CENPP: variants seen among roughly 807,000 people sequenced by gnomAD.
The protein encoded by CENPP is centromere protein P.
A neutral mutation model predicts 35.6 loss-of-function variants in CENPP; 24 were observed. The observed-to-expected ratio is 0.67, with a 90% CI of 0.49 to 0.95. The LOEUF (loss-of-function observed/expected upper bound fraction) is 0.95. Among genes scored for constraint, CENPP ranks in the 40% least tolerant of loss-of-function variants. The pLI, the probability that CENPP is intolerant of heterozygous loss-of-function variation, is 0.00. For missense variants in CENPP, 332 were observed against 345.3 expected (o/e 0.96, Z 0.31); for synonymous variants, 120 against 125.5 (o/e 0.96, Z 0.29).
chr9:92,575,887 C>G (rs774664829), intron 5 of CENPP, among the ~76,000 whole-genome samples: 1 of 151,904 alleles, frequency 6.6e-6, no homozygotes, highest in African/African-American at 2.4e-5. Flanking sequence ...AAATTAGAAC[C>G]GTTGCGCGCT....
chr9:92,417,053 A>G, intron 5 of CENPP: 3 of 1,614,038 alleles, frequency 1.9e-6, no homozygotes, highest in Non-Finnish European at 2.5e-6. Flanking sequence ...ATTGTAACCA[A>G]GAAGGAGTCT....
chr9:92,453,889 AC>A (rs1844793047), intron 5 of CENPP, among the ~76,000 whole-genome samples: 1 of 152,156 alleles, frequency 6.6e-6, no homozygotes, highest in African/African-American at 2.4e-5. Flanking sequence ...GGAGTCTGAG[AC>A]AGGAAGATCA....
At chr9:92,372,356 T>C (rs938978481) in intron 4 of CENPP, among the ~76,000 whole-genome samples, 1 of 152,088 alleles carries the variant, frequency 6.6e-6, no homozygotes, top group Non-Finnish European at 1.5e-5. Context: ...CTGTTTATGT[T>C]CCAGTTTATT....
intron 5 of CENPP, among the ~76,000 whole-genome samples, chr9:92,490,538 A>G (rs576582359): frequency 5.3e-5 from 8 of 152,310 alleles, no homozygotes; most frequent in African/African-American, 1.9e-4. Context: ...CTTTTTCTAA[A>G]TAAGGGAAAG....
At chr9:92,495,660 A>G in intron 5 of CENPP, 10 of 896,928 alleles carry the variant, frequency 1.1e-5, no homozygotes, top group Non-Finnish European at 1.3e-5. Flanking sequence ...TATAGAATTT[A>G]TGCACACCCT....
At chr9:92,533,328 A>AAAAAAAATATATATATATATAT (rs1554683138) in intron 5 of CENPP, among the ~76,000 whole-genome samples, 1 of 38,336 alleles carries the variant, frequency 2.6e-5, no homozygotes, top group Non-Finnish European at 4.3e-5. Context: ...AAAAAAAAAA[A>AAAAAAAATATATATATATATAT]ATATATATAT....
intron 5 of CENPP, among the ~76,000 whole-genome samples, chr9:92,443,070 C>T (rs1844462225): frequency 6.6e-6 from 1 of 151,512 alleles, no homozygotes; most frequent in African/African-American, 2.4e-5. Context: ...CAGTGAGATA[C>T]AGAAAAGAAG....
At chr9:92,491,040 G>A (rs1001809530) in intron 5 of CENPP, among the ~76,000 whole-genome samples, 13 of 152,118 alleles carry the variant, frequency 8.5e-5, no homozygotes, top group Non-Finnish European at 1.3e-4. Flanking sequence ...TTCAAGAGAC[G>A]TTTTAGCACC....
intron 5 of CENPP, among the ~76,000 whole-genome samples, chr9:92,448,800 G>A (rs1450151987): frequency 6.6e-6 from 1 of 152,034 alleles, no homozygotes; most frequent in African/African-American, 2.4e-5. Context: ...TAGCAGAATC[G>A]GGCTCCTCTC....
chr9:92,366,048 C>T (rs1337901859), intron 4 of CENPP, among the ~76,000 whole-genome samples: 16 of 151,728 alleles, frequency 1.1e-4, no homozygotes, highest in South Asian at 6.2e-4. Flanking sequence ...GGCGCGGTGG[C>T]GGGCACCTGT....
intron 5 of CENPP, chr9:92,403,716 G>A: frequency 1.2e-6 from 1 of 834,932 alleles, no homozygotes; most frequent in Non-Finnish European, 1.5e-6. Context: ...TAATAATTAA[G>A]TGCCTTCAGC....
chr9:92,532,043 T>TTTTTTTTTTTTTTTTTTTTTTTTTTTTTC, intron 5 of CENPP, among the ~76,000 whole-genome samples: 1 of 145,124 alleles, frequency 6.9e-6, no homozygotes, highest in East Asian at 2.0e-4. Context: ...TATTTTTTTT[T>TTTTTTTTTTTTTTTTTTTTTTTTTTTTTC]TGAGATGAGG....
intron 5 of CENPP, chr9:92,500,639 G>T: frequency 7.4e-7 from 1 of 1,351,646 alleles, no homozygotes; most frequent in Non-Finnish European, 1.0e-6. Flanking sequence ...TTCCCTTAAC[G>T]TAAATCCCAG....
intron 1 of CENPP, among the ~76,000 whole-genome samples, 197 bp from the exon 2 acceptor site, chr9:92,331,973 A>AG (rs1466166672): frequency 6.6e-6 from 1 of 152,176 alleles, no homozygotes; most frequent in Non-Finnish European, 1.5e-5. Context: ...AGAAAAAAAA[A>AG]GTGGTGGTGT....
At chr9:92,487,246 C>G (rs1846081486) in intron 5 of CENPP, among the ~76,000 whole-genome samples, 1 of 152,138 alleles carries the variant, frequency 6.6e-6, no homozygotes, top group Admixed American at 6.5e-5. Flanking sequence ...CTGTTTCCCA[C>G]TAAGGGAACC....
At chr9:92,330,297 C>T (rs574230487) in intron 1 of CENPP, among the ~76,000 whole-genome samples, 1 of 152,262 alleles carries the variant, frequency 6.6e-6, no homozygotes, top group East Asian at 1.9e-4. Flanking sequence ...ATTTGGTGAG[C>T]TATCAAGCTA....
chr9:92,609,643 G>A (rs1851180649), intron 5 of CENPP, among the ~76,000 whole-genome samples: 1 of 152,224 alleles, frequency 6.6e-6, no homozygotes, highest in South Asian at 2.1e-4. Context: ...CTAGGAGCTC[G>A]ACATCTCAGG....
intron 5 of CENPP, among the ~76,000 whole-genome samples, chr9:92,468,030 T>G (rs915249649): frequency 1.2e-4 from 19 of 152,328 alleles, no homozygotes; most frequent in African/African-American, 4.6e-4. Flanking sequence ...CAGGAATTAT[T>G]ACTCTCCTTT....
chr9:92,428,862 C>T (rs1428105428), intron 5 of CENPP, among the ~76,000 whole-genome samples: 1 of 143,448 alleles, frequency 7.0e-6, no homozygotes, highest in Non-Finnish European at 1.6e-5. Flanking sequence ...GGTTTCTGCG[C>T]TGTACCCACA....
Sources: allele counts gnomAD v4.1 joint callset (sites outside exome capture counted in the v4.1 genomes callset), GRCh38; gene constraint gnomAD v4.1.1; transcripts MANE v1.5; gene names NCBI Gene and HGNC (gene_info 2026-07-23, HGNC 2026-07-21).